Variants in AUH observed in about 807,000 individuals in gnomAD.
The protein encoded by AUH is methylglutaconyl-CoA hydratase, mitochondrial.
A neutral mutation model predicts 42.3 loss-of-function variants in AUH; 29 were observed. That is an observed-to-expected ratio of 0.69 (90% CI 0.51 to 0.93). AUH has a LOEUF of 0.93. AUH is among the 40% of genes least tolerant of loss of function. The pLI, the probability that AUH is intolerant of heterozygous loss-of-function variation, is 0.00. For missense variants in AUH, 452 were observed against 438.1 expected (o/e 1.03, Z -0.28); for synonymous variants, 174 against 166.4 (o/e 1.05, Z -0.35).
intron 6 of AUH, among the ~76,000 whole-genome samples, chr9:91,223,728 CTT>C (rs1297379080): frequency 6.6e-6 from 1 of 152,058 alleles, no homozygotes; most frequent in Non-Finnish European, 1.5e-5. Context: ...CTCACCAACA[CTT>C]ACTATTTTTT....
chr9:91,224,146 G>C (rs1193774710), intron 6 of AUH, among the ~76,000 whole-genome samples: 1 of 152,170 alleles, frequency 6.6e-6, no homozygotes, highest in Admixed American at 6.5e-5. Flanking sequence ...TCTGTGCAGT[G>C]AACAGGAGGA....
chr9:91,325,677 T>C (rs942288940), intron 3 of AUH, among the ~76,000 whole-genome samples: 1 of 152,198 alleles, frequency 6.6e-6, no homozygotes, highest in East Asian at 1.9e-4. Context: ...ACACTATAGT[T>C]GGCATCTACT....
intron 3 of AUH, among the ~76,000 whole-genome samples, chr9:91,346,794 A>G (rs1411706411): frequency 6.6e-6 from 1 of 151,974 alleles, no homozygotes; most frequent in East Asian, 1.9e-4. Context: ...TGAAACAACC[A>G]GCTATAGATT....
chr9:91,306,194 A>C (rs765792789), intron 4 of AUH: 2 of 226,600 alleles, frequency 8.8e-6, no homozygotes, highest in African/African-American at 2.3e-5. Flanking sequence ...TAAAATAAAA[A>C]GGGCCAACCC....
chr9:91,291,043 G>A (rs1407775603), intron 6 of AUH, among the ~76,000 whole-genome samples: 5 of 152,150 alleles, frequency 3.3e-5, no homozygotes, highest in Admixed American at 6.6e-5. Context: ...GAGGCTCTGT[G>A]AGAAAATCTG....
At chr9:91,313,952 T>A (rs1828935765) in intron 4 of AUH, among the ~76,000 whole-genome samples, 1 of 151,008 alleles carries the variant, frequency 6.6e-6, no homozygotes, top group Admixed American at 6.6e-5. Flanking sequence ...GCCTCCTGAG[T>A]AGCTGGGATT....
chr9:91,218,299 C>A (rs73650968), intron 7 of AUH, among the ~76,000 whole-genome samples: 86 of 152,266 alleles, frequency 5.6e-4, no homozygotes, highest in African/African-American at 2.0e-3. Context: ...AGTTGTTAGA[C>A]AAATATCTTA....
chr9:91,217,428 C>CA, intron 7 of AUH, 101 bp from the exon 8 acceptor site: 1 of 1,274,574 alleles, frequency 7.8e-7, no homozygotes, highest in Non-Finnish European at 1.1e-6. Flanking sequence ...ATCCATTGCA[C>CA]AGCCAGCAAT....
intron 6 of AUH, among the ~76,000 whole-genome samples, chr9:91,248,106 A>C (rs1828897720): frequency 6.6e-6 from 1 of 152,206 alleles, no homozygotes; most frequent in Non-Finnish European, 1.5e-5. Flanking sequence ...AAAATGAGAA[A>C]GATATTTTTC....
chr9:91,269,515 AAT>A (rs1824940265), intron 6 of AUH, among the ~76,000 whole-genome samples: 2 of 152,254 alleles, frequency 1.3e-5, no homozygotes, highest in South Asian at 4.1e-4. Context: ...AATTATTTTC[AAT>A]ATATGATTCT....
intron 3 of AUH, among the ~76,000 whole-genome samples, chr9:91,349,448 T>C (rs1392820124): frequency 6.6e-6 from 1 of 152,202 alleles, no homozygotes; most frequent in East Asian, 1.9e-4. Flanking sequence ...GTAAAAACAA[T>C]GCATGTGCAC....
intron 1 of AUH, among the ~76,000 whole-genome samples, chr9:91,358,540 A>G (rs947096829): frequency 1.3e-5 from 2 of 152,132 alleles, no homozygotes; most frequent in South Asian, 2.1e-4. Context: ...ACAGTTCCAC[A>G]CTCCATGGGA....
intron 6 of AUH, among the ~76,000 whole-genome samples, chr9:91,248,683 C>T (rs1025070441): frequency 1.8e-4 from 27 of 152,286 alleles, no homozygotes; most frequent in Middle Eastern, 3.4e-3. Context: ...TAAGTCCTCA[C>T]ATAACATTGT....
chr9:91,306,328 C>G, intron 4 of AUH: 1 of 983,200 alleles, frequency 1.0e-6, no homozygotes, highest in Non-Finnish European at 1.2e-6. Flanking sequence ...GTTACACTTA[C>G]TAGTAGAACT....
At chr9:91,286,221 C>A (rs1341224781) in intron 6 of AUH, among the ~76,000 whole-genome samples, 1 of 152,106 alleles carries the variant, frequency 6.6e-6, no homozygotes, top group Non-Finnish European at 1.5e-5. Context: ...GTGTTCAGGA[C>A]TACACACACT....
At chr9:91,256,298 G>C (rs1323873629) in intron 6 of AUH, among the ~76,000 whole-genome samples, 2 of 152,078 alleles carry the variant, frequency 1.3e-5, no homozygotes, top group Non-Finnish European at 2.9e-5. Context: ...CTTGTAATGA[G>C]ACAGGAAGTG....
At chr9:91,267,467 C>T (rs1587728158) in intron 6 of AUH, among the ~76,000 whole-genome samples, 1 of 152,288 alleles carries the variant, frequency 6.6e-6, no homozygotes, top group African/African-American at 2.4e-5. Flanking sequence ...TGTTTAATGG[C>T]TCTAACAGCC....
intron 9 of AUH, among the ~76,000 whole-genome samples, chr9:91,214,698 T>C (rs1269581042): frequency 6.6e-6 from 1 of 152,232 alleles, no homozygotes; most frequent in Non-Finnish European, 1.5e-5. Context: ...TCCAATGCTA[T>C]TTCTATCTAA....
chr9:91,356,707 C>G (rs1832441423), intron 1 of AUH, among the ~76,000 whole-genome samples: 1 of 152,178 alleles, frequency 6.6e-6, no homozygotes, highest in African/African-American at 2.4e-5. Flanking sequence ...AACTGCCCCA[C>G]TTTTTAATCA....
Sources: allele counts gnomAD v4.1 joint callset (sites outside exome capture counted in the v4.1 genomes callset), GRCh38; gene constraint gnomAD v4.1.1; transcripts MANE v1.5; gene names NCBI Gene and HGNC (gene_info 2026-07-23, HGNC 2026-07-21).